ARMCX4: variants seen among roughly 807,000 people sequenced by gnomAD.
The protein encoded by ARMCX4 is armadillo repeat containing X-linked 4, also known as armadillo repeat-containing X-linked protein 4.
A neutral mutation model predicts 34.7 loss-of-function variants in ARMCX4; 3 were observed. The ratio of observed to expected loss-of-function variants is 0.09; its 90% CI spans 0.04 to 0.22. The LOEUF is 0.22. Ranked by LOEUF, ARMCX4 falls within the 10% of genes least tolerant of loss-of-function variation. The pLI, the probability that ARMCX4 is intolerant of heterozygous loss-of-function variation, is 1.00. For synonymous variants in ARMCX4, 513 were observed against 632.8 expected (o/e 0.81, Z 2.84); for missense variants, 1,448 against 1,720.8 (o/e 0.84, Z 2.81).
Position 101,491,514 on chromosome X carries a change from G to A in ARMCX4, c.2925G>A (p.Val975=), listed in dbSNP as rs2147671068. 2 of 1,154,859 alleles carry A rather than the reference G, an allele frequency of 1.7e-6. No individual in the cohort carries two copies. The highest frequency in any genetic ancestry group is 6.5e-5 in the East Asian group (2 of 30,697). Residue 975 remains valine, a synonymous_variant, in exon 6 of 6, where the codon GTG becomes GTA. Coordinates refer to ENST00000423738, the MANE Select transcript of ARMCX4 (RefSeq NM_001256155.3). ...AGGTCAGGGGCAATTCCAATGCTGT[G>A]CCTAAGGCAGAGGCTGGGGCAGATA... ...KNKVRGNSNA[V]PKAEAGADTV...
chrX:101,418,347 G>A (rs1464924380), exon 1 of ARMCX4: 9 of 112,395 alleles, frequency 8.0e-5, no homozygotes, highest in African/African-American at 2.9e-4. Flanking sequence ...GAGGGGAAGT[G>A]GTCAGCGTGG....
intron 2 of ARMCX4, among the ~76,000 whole-genome samples, chrX:101,432,754 A>G (rs868943359): frequency 1.5e-5 from 1 of 64,938 alleles, no homozygotes; most frequent in Admixed American, 1.7e-4. Flanking sequence ...ATATATGTGT[A>G]TATACACGTA....
chrX:101,475,316 T>C (rs1160344925), intron 4 of ARMCX4, among the ~76,000 whole-genome samples: 1 of 110,107 alleles, frequency 9.1e-6, no homozygotes, highest in East Asian at 2.8e-4. Context: ...CCTTTCTAAA[T>C]AAATAAATAA....
intron 11 of ARMCX4, among the ~76,000 whole-genome samples, chrX:101,514,907 C>A (rs1338949983): frequency 9.0e-6 from 1 of 111,414 alleles, no homozygotes; most frequent in Non-Finnish European, 1.9e-5. Flanking sequence ...TAACGAAGGT[C>A]CCCAGCTTCA....
rs782520054 is a variant in ARMCX4 at position 101,493,541 on chromosome X, G to A, written c.4952G>A (p.Gly1651Glu). ...QSSGRSWIGP[G>E]DQAVDCSKPE... ...AGTGGAAGGTCCTGGATTGGGCCTG[G>A]GGATCAGGCTGTTGACTGTTCCAAG... The change falls in exon 6 of 6, where the codon GGG becomes GAG. Residue 1651 changes from glycine to glutamate, a missense_variant. Physicochemically the swap from Gly to Glu is moderately conservative, Grantham distance 98. Around this residue, in one of 2 missense-constraint regions of ARMCX4, gnomAD observed 1,343 missense variants for 1,540.7 expected, o/e 0.87. Transcript: ENST00000423738. 2 of 1,154,288 alleles carry A rather than the reference G, an allele frequency of 1.7e-6. No individual in the cohort carries two copies. The highest frequency in any genetic ancestry group is 2.3e-6 in the Non-Finnish European group (2 of 871,939).
chrX:101,525,373 A>T (rs372999431), intron 11 of ARMCX4, among the ~76,000 whole-genome samples: 91 of 112,270 alleles, frequency 8.1e-4, no homozygotes, highest in African/African-American at 2.8e-3. Context: ...AAACCAGAGC[A>T]GAAAAGCTGA....
In ARMCX4 at chrX:101,491,356, G is replaced by A. The variant is rs1933972629; in HGVS notation, c.2767G>A (p.Gly923Ser). Residue 923 changes from glycine (G) to serine (S), a missense_variant, in exon 6 of 6, where the codon GGT becomes AGT. Gly to Ser is a moderately conservative substitution (Grantham distance 56). Coordinates refer to ENST00000423738, the MANE Select transcript of ARMCX4 (RefSeq NM_001256155.3). Reference sequence around the variant, plus strand: ...CAACTCCCAGCGTGAGACCTTGCCTGGTGCCAGGAATAAGGTCAAGGGCAA... The same window carrying A: ...CAACTCCCAGCGTGAGACCTTGCCTAGTGCCAGGAATAAGGTCAAGGGCAA... Reference protein sequence around the residue: ...VANSQRETLPGARNKVKGNSN... With the variant: ...VANSQRETLPSARNKVKGNSN... The A allele has an allele frequency of 8.6e-7, 1 of 1,156,084 alleles. No homozygotes were observed. Among genetic ancestry groups the A allele is most frequent in the Non-Finnish European group, 1.1e-6 (1 of 873,078 alleles).
intron 4 of ARMCX4, among the ~76,000 whole-genome samples, chrX:101,460,683 A>G (rs1932569822): frequency 8.9e-6 from 1 of 112,167 alleles, no homozygotes. Flanking sequence ...AATTTAAAAC[A>G]CAGTATATGG....
intron 2 of ARMCX4, among the ~76,000 whole-genome samples, chrX:101,433,193 CA>C (rs1930375105): frequency 2.2e-4 from 10 of 44,960 alleles, no homozygotes; most frequent in Non-Finnish European, 4.8e-4. Context: ...CGCACACATA[CA>C]CATATATGTG....
At chrX:101,425,692 G>T (rs914104201) in intron 2 of ARMCX4, among the ~76,000 whole-genome samples, 1 of 111,191 alleles carries the variant, frequency 9.0e-6, no homozygotes, top group Admixed American at 9.7e-5. Flanking sequence ...ACTGCGCCCA[G>T]CCGGTAGGCA....
Position 101,492,867 on chromosome X carries a change from G to T in ARMCX4, c.4278G>T (p.Trp1426Cys). 1 of 1,155,344 alleles carries T rather than the reference G, an allele frequency of 8.7e-7. No homozygotes were observed. The highest frequency in any genetic ancestry group is 1.1e-6 in the Non-Finnish European group (1 of 872,676). The part of the protein sequence containing the change: ...GPEDQSSGRS[W>C]ANSGDQISGG... ...AAGACCAGTCCAGTGGAAGGTCATGGGCTAACTCTGGGGACCAAATCAGTG... is the reference window on the plus strand; with the variant it reads ...AAGACCAGTCCAGTGGAAGGTCATGTGCTAACTCTGGGGACCAAATCAGTG... The change falls in exon 6 of 6, where the codon TGG becomes TGT. Residue 1426 changes from tryptophan to cysteine, a missense_variant. Coordinates refer to ENST00000423738, the MANE Select transcript of ARMCX4 (RefSeq NM_001256155.3).
downstream of ARMCX4, chrX:101,498,311 A>G (rs1331057277): frequency 3.5e-6 from 1 of 283,053 alleles, no homozygotes; most frequent in African/African-American, 2.7e-5. Flanking sequence ...CCAGCTGTCA[A>G]TGAAGACTCC....
upstream of ARMCX4, among the ~76,000 whole-genome samples, chrX:101,482,198 C>T (rs573497926): frequency 6.3e-5 from 7 of 111,025 alleles, no homozygotes; most frequent in East Asian, 1.7e-3. Flanking sequence ...CGCACCACTG[C>T]ACTCCAGCCT....
At position 101,474,659 on chromosome X, in the gene ARMCX4, G is replaced by A. The variant is rs1223589961; in HGVS notation, c.-472-11364G>A. On this transcript the variant is annotated intron_variant and NMD_transcript_variant, in intron 4 of 15. Coordinates refer to the ARMCX4 transcript ENST00000433011. ...GGGATGCAAGGCTGGTTCAATATAC[G>A]CAAATCAATAAATGTAATCCAGCAT... is the stretch of plus-strand genomic sequence containing the variant. 8.6e-4 allele frequency among the ~76,000 whole-genome samples: 90 copies of A among 104,502 alleles called. 1 individual carries two copies. The highest frequency in any genetic ancestry group is 4.7e-3 in the Middle Eastern group (1 of 214). 90.7% of individuals were successfully genotyped at this position (104,502 alleles called of 115,157 possible).
intron 7 of ARMCX4, among the ~76,000 whole-genome samples, chrX:101,502,503 G>A (rs1347021654): frequency 8.9e-6 from 1 of 111,790 alleles, no homozygotes; most frequent in Non-Finnish European, 1.9e-5. Context: ...GTCTCCCAAA[G>A]TGCTGGGATT....
chrX:101,440,595 G>A (rs782597787), intron 2 of ARMCX4, among the ~76,000 whole-genome samples: 5 of 111,731 alleles, frequency 4.5e-5, no homozygotes, highest in Non-Finnish European at 1.9e-5. Context: ...AGGCAGGCAG[G>A]CCTCCTTGAA....
intron 2 of ARMCX4, among the ~76,000 whole-genome samples, chrX:101,442,833 G>C (rs1018714170): frequency 1.8e-5 from 2 of 111,369 alleles, no homozygotes; most frequent in African/African-American, 6.5e-5. Context: ...AATTTGTGTT[G>C]AAATATAATC....
chrX:101,450,049 T>G (rs1359100551), downstream of ARMCX4, among the ~76,000 whole-genome samples: 1 of 112,128 alleles, frequency 8.9e-6, no homozygotes, highest in Non-Finnish European at 1.9e-5. Flanking sequence ...CCTTTCTTTC[T>G]CTGAGACAAA....
intron 4 of ARMCX4, among the ~76,000 whole-genome samples, chrX:101,476,348 C>T (rs1402948055): frequency 9.2e-6 from 1 of 108,875 alleles, no homozygotes; most frequent in African/African-American, 3.3e-5. Context: ...TTTCACATTG[C>T]ATACCTGTAT....
Sources: allele counts gnomAD v4.1 joint callset (sites outside exome capture counted in the v4.1 genomes callset), GRCh38; gene constraint gnomAD v4.1.1; regional missense constraint gnomAD v4.1.1; transcripts MANE v1.5; gene names NCBI Gene and HGNC (gene_info 2026-07-23, HGNC 2026-07-21).